SCHIP1: variants seen among roughly 807,000 people sequenced by gnomAD.
SCHIP1 encodes schwannomin interacting protein 1.
A neutral mutation model predicts 29.7 loss-of-function variants in SCHIP1; 8 were observed. That is an observed-to-expected ratio of 0.27 (90% CI 0.16 to 0.49). SCHIP1 has a LOEUF of 0.49. Among genes scored for constraint, SCHIP1 ranks in the 20% least tolerant of loss-of-function variants. The pLI is 0.99. For synonymous variants in SCHIP1, 76 were observed against 94.9 expected (o/e 0.80, Z 1.16); for missense variants, 193 against 294.6 (o/e 0.66, Z 2.52).
the SCHIP1 span, among the ~76,000 whole-genome samples, chr3:159,740,718 T>TC: frequency 7.2e-6 from 1 of 137,960 alleles, no homozygotes. Flanking sequence ...ACAGGCCACT[T>TC]CATTGTGTAG....
the SCHIP1 span, among the ~76,000 whole-genome samples, chr3:159,337,702 G>A: frequency 7.9e-3 from 1,197 of 152,070 alleles, 18 homozygotes; most frequent in African/African-American, 0.027. Flanking sequence ...ACCACCAGTG[G>A]CAACTTTCCA....
the SCHIP1 span, among the ~76,000 whole-genome samples, chr3:159,648,755 C>G: frequency 6.6e-6 from 1 of 151,944 alleles, no homozygotes; most frequent in African/African-American, 2.4e-5. Flanking sequence ...TACCAGCAGC[C>G]TGGTTCTAGC....
chr3:159,769,657 G>A, the SCHIP1 span, among the ~76,000 whole-genome samples: 2 of 152,150 alleles, frequency 1.3e-5, no homozygotes, highest in Admixed American at 1.3e-4. Context: ...GGCTGAGGCA[G>A]GAGAATCGCT....
the SCHIP1 span, among the ~76,000 whole-genome samples, chr3:159,824,030 A>G: frequency 6.6e-6 from 1 of 152,200 alleles, no homozygotes; most frequent in African/African-American, 2.4e-5. Flanking sequence ...CACCTTAACC[A>G]TATCCTTTGT....
the SCHIP1 span, among the ~76,000 whole-genome samples, chr3:159,366,134 A>G: frequency 6.6e-6 from 1 of 152,164 alleles, no homozygotes; most frequent in Admixed American, 6.5e-5. Flanking sequence ...TGGCAGAGGC[A>G]AAGAGGGAGC....
the SCHIP1 span, among the ~76,000 whole-genome samples, chr3:159,563,503 G>T: frequency 3.3e-5 from 5 of 151,940 alleles, no homozygotes; most frequent in Admixed American, 6.6e-5. Flanking sequence ...GGTAATATAT[G>T]CTACATATAT....
the SCHIP1 span, among the ~76,000 whole-genome samples, chr3:159,311,010 CAT>C: frequency 3.3e-5 from 5 of 152,108 alleles, no homozygotes; most frequent in Non-Finnish European, 5.9e-5. Flanking sequence ...CTTCCCATAT[CAT>C]ATGATAGTTT....
chr3:159,626,196 A>ATATATC, the SCHIP1 span, among the ~76,000 whole-genome samples: 3 of 123,940 alleles, frequency 2.4e-5, no homozygotes, highest in Non-Finnish European at 4.6e-5. Context: ...AGATAGATAG[A>ATATATC]TAGATAGATA....
At chr3:159,700,523 A>C in the SCHIP1 span, among the ~76,000 whole-genome samples, 1 of 152,190 alleles carries the variant, frequency 6.6e-6, no homozygotes, top group Non-Finnish European at 1.5e-5. Context: ...TAATGGTAGA[A>C]AAAGATGCAG....
chr3:159,344,059 G>A, the SCHIP1 span, among the ~76,000 whole-genome samples: 29 of 152,108 alleles, frequency 1.9e-4, no homozygotes, highest in Admixed American at 3.3e-4. Flanking sequence ...TTGGCTAGGC[G>A]CAGTGGCTCA....
chr3:159,614,760 C>G, the SCHIP1 span, among the ~76,000 whole-genome samples: 1 of 152,174 alleles, frequency 6.6e-6, no homozygotes, highest in Admixed American at 6.5e-5. Context: ...TTAACTTTCA[C>G]TGGAAAACTA....
chr3:159,667,590 A>G, the SCHIP1 span, among the ~76,000 whole-genome samples: 40 of 152,178 alleles, frequency 2.6e-4, no homozygotes, highest in African/African-American at 9.6e-4. Context: ...CACAGGAGCC[A>G]TAGTCCTAGT....
At chr3:159,548,279 A>G in the SCHIP1 span, among the ~76,000 whole-genome samples, 2 of 152,040 alleles carry the variant, frequency 1.3e-5, no homozygotes, top group Non-Finnish European at 2.9e-5. Context: ...TTTCTATAGT[A>G]GTTAGAATTT....
chr3:159,888,061 C>A, intron 4 of SCHIP1, 156 bp downstream of exon 5: 1 of 1,086,024 alleles, frequency 9.2e-7, no homozygotes, highest in Non-Finnish European at 1.3e-6. Flanking sequence ...GTTTCTTTTT[C>A]CTTCCTACTG....
intron 2 of SCHIP1, among the ~76,000 whole-genome samples, chr3:159,881,908 T>C (rs554278057): frequency 6.6e-6 from 1 of 152,324 alleles, no homozygotes; most frequent in East Asian, 1.9e-4. Context: ...TGTCTAGGGC[T>C]TCAGTTGAGA....
At chr3:159,618,018 T>A in the SCHIP1 span, among the ~76,000 whole-genome samples, 1 of 152,186 alleles carries the variant, frequency 6.6e-6, no homozygotes, top group Non-Finnish European at 1.5e-5. Flanking sequence ...AATTTAGTGT[T>A]TTGCTCCAAG....
the SCHIP1 span, among the ~76,000 whole-genome samples, chr3:159,789,542 A>G: frequency 6.6e-6 from 1 of 152,222 alleles, no homozygotes; most frequent in Non-Finnish European, 1.5e-5. Flanking sequence ...TTGAGCAGGA[A>G]TCAGAATCCC....
the SCHIP1 span, among the ~76,000 whole-genome samples, chr3:159,810,088 C>T: frequency 6.6e-6 from 1 of 152,212 alleles, no homozygotes; most frequent in Non-Finnish European, 1.5e-5. Context: ...CACTGTCGCC[C>T]AGGCTGGAGT....
intron 2 of SCHIP1, among the ~76,000 whole-genome samples, chr3:159,867,860 C>A (rs1053939164): frequency 6.6e-6 from 1 of 151,866 alleles, no homozygotes; most frequent in African/African-American, 2.4e-5. Context: ...TCTGCTACTG[C>A]TCTCTAATAT....
Sources: allele counts gnomAD v4.1 joint callset (sites outside exome capture counted in the v4.1 genomes callset), GRCh38; gene constraint gnomAD v4.1.1; transcripts MANE v1.5; gene names NCBI Gene and HGNC (gene_info 2026-07-23, HGNC 2026-07-21).